Variants in AHI1 observed in about 807,000 individuals in gnomAD.
AHI1 encodes the protein Abelson helper integration site 1.
A neutral mutation model predicts 149.3 loss-of-function variants in AHI1; 123 were observed. That is an observed-to-expected ratio of 0.82 (90% CI 0.71 to 0.96). AHI1 has a LOEUF of 0.96. Ranked by LOEUF, AHI1 falls within the 40% of genes least tolerant of loss-of-function variation. The probability of loss-of-function intolerance (pLI) is 0.00; values close to 1 mark genes in which losing one functional copy is unlikely to be tolerated. For missense variants in AHI1, 1,439 were observed against 1,422.7 expected (o/e 1.01, Z -0.18); for synonymous variants, 475 against 459.8 (o/e 1.03, Z -0.42).
intron 24 of AHI1, among the ~76,000 whole-genome samples, chr6:135,344,153 G>A (rs1790799356): frequency 6.6e-6 from 1 of 151,742 alleles, no homozygotes; most frequent in Admixed American, 6.6e-5. Flanking sequence ...CTAATACAAT[G>A]TAAATGCTAT....
At chr6:135,299,614 T>A (rs1051608298) in intron 27 of AHI1, among the ~76,000 whole-genome samples, 2 of 152,172 alleles carry the variant, frequency 1.3e-5, no homozygotes, top group African/African-American at 4.8e-5. Flanking sequence ...ATGATAAAAA[T>A]TGAGAAATAT....
At chr6:135,381,127 C>A (rs1164994521) in intron 23 of AHI1, among the ~76,000 whole-genome samples, 8 of 151,846 alleles carry the variant, frequency 5.3e-5, no homozygotes, top group African/African-American at 1.7e-4. Context: ...ATCTTCACTT[C>A]AAAATCAGAC....
chr6:135,358,734 G>A (rs1416285759), intron 23 of AHI1, among the ~76,000 whole-genome samples: 1 of 152,118 alleles, frequency 6.6e-6, no homozygotes, highest in African/African-American at 2.4e-5. Context: ...TAACACAGAT[G>A]GCTAATCTTG....
chr6:135,376,881 C>CAAA lies in AHI1; in HGVS notation c.3109+17892_3109+17894dup, dbSNP rs1167083326. On this transcript the variant is annotated intron_variant, in intron 23 of 28. Transcript: ENST00000265602. ...TCGGTGACAGAGCGAGACTCCATCTCAAAAAAAAAAAAAAAAAAAAAAAAA... is the reference window on the plus strand; with the variant it reads ...TCGGTGACAGAGCGAGACTCCATCTCAAAAAAAAAAAAAAAAAAAAAAAAAAAA... Among the ~76,000 whole-genome samples, 28 of 29,442 alleles carry CAAA rather than the reference C, an allele frequency of 9.5e-4. 4 individuals are homozygous for CAAA. Among genetic ancestry groups the CAAA allele is most frequent in the African/African-American group, 3.5e-3 (22 of 6,244 alleles). 19.3% of individuals were successfully genotyped at this position (29,442 alleles called of 152,430 possible).
intron 24 of AHI1, among the ~76,000 whole-genome samples, chr6:135,341,180 T>C (rs1166791393): frequency 1.3e-5 from 2 of 151,848 alleles, no homozygotes; most frequent in Non-Finnish European, 2.9e-5. Context: ...TCAGAATGGA[T>C]AAAATAAATA....
At chr6:135,438,021 G>C (rs1404466314) in intron 15 of AHI1, among the ~76,000 whole-genome samples, 3 of 151,994 alleles carry the variant, frequency 2.0e-5, no homozygotes, top group Non-Finnish European at 4.4e-5. Flanking sequence ...TGCAAATCCA[G>C]CCAATAGTGA....
chr6:135,429,796 A>G, intron 18 of AHI1, 86 bp downstream of exon 18: 1 of 827,654 alleles, frequency 1.2e-6, no homozygotes, highest in Admixed American at 2.6e-5. Flanking sequence ...TGCTTAGTTG[A>G]GAACCACTAC....
At position 135,388,878 on chromosome 6, in the gene AHI1, G is replaced by A. The variant is rs529160261; in HGVS notation, c.3109+5898C>T. Among the ~76,000 whole-genome samples, 295 of 152,094 alleles carry A rather than the reference G, an allele frequency of 1.9e-3. 4 individuals carry two copies. The highest frequency in any genetic ancestry group is 6.7e-3 in the African/African-American group (277 of 41,408). Reference sequence around the variant, plus strand: ...AATACAAAAATTAGCTAGGCATGGTGGCAGGCGCCTGCAATCCCAGCTACT... The same window carrying A: ...AATACAAAAATTAGCTAGGCATGGTAGCAGGCGCCTGCAATCCCAGCTACT... On this transcript the variant is annotated intron_variant, in intron 23 of 28. Coordinates refer to ENST00000265602, the MANE Select transcript of AHI1 (RefSeq NM_001134831.2).
At chr6:135,474,248 G>T (rs1403480647) in intron 5 of AHI1, among the ~76,000 whole-genome samples, 1 of 152,022 alleles carries the variant, frequency 6.6e-6, no homozygotes, top group African/African-American at 2.4e-5. Flanking sequence ...AGATTTTTTT[G>T]GGATATTAAC....
At chr6:135,394,534 G>A in intron 23 of AHI1, 1 of 463,518 alleles carries the variant, frequency 2.2e-6, no homozygotes, top group Non-Finnish European at 3.9e-6. Context: ...CACGTGTTTT[G>A]CTAGTTTTAA....
Position 135,492,239 on chromosome 6 carries a change from T to C in AHI1, c.-2A>G. ...CATAGAAGTCTTACCTGTAGGCATCTCTCAGCTTTATGCAGAGGACTGAGA... is the reference window on the plus strand; with the variant it reads ...CATAGAAGTCTTACCTGTAGGCATCCCTCAGCTTTATGCAGAGGACTGAGA... On this transcript the variant is annotated 5_prime_UTR_variant, in exon 4 of 29. Transcript: ENST00000265602. 6.5e-7 allele frequency: 1 copy of C among 1,537,708 alleles called. No homozygotes were observed. The highest frequency in any genetic ancestry group is 2.5e-5 in the East Asian group (1 of 40,486).
At chr6:135,359,462 T>C (rs1163531426) in intron 23 of AHI1, among the ~76,000 whole-genome samples, 1 of 152,214 alleles carries the variant, frequency 6.6e-6, no homozygotes, top group Non-Finnish European at 1.5e-5. Context: ...AAAGACACTC[T>C]TATTCATAGA....
chr6:135,404,971 T>C lies in AHI1; in HGVS notation c.2968A>G (p.Ile990Val). The change falls in exon 22 of 29, where the codon ATA becomes GTA. Residue 990 changes from isoleucine (I) to valine (V), a missense_variant. By Grantham distance (29) the Ile-to-Val change is conservative (BLOSUM62 3). Transcript: ENST00000265602. The stretch of plus-strand genomic sequence containing the variant: ...CTTACTTTTGCAGCACAGGAACGTA[T>C]CACCTCCTAAAAGAAATACAATAAA... Reference protein sequence around the residue: ...KQRLETVTEVIRSCAAKVNKN... With the variant: ...KQRLETVTEVVRSCAAKVNKN... The C allele has an allele frequency of 6.2e-7, 1 of 1,607,534 alleles. No individual in the cohort carries two copies. Among genetic ancestry groups the C allele is most frequent in the Non-Finnish European group, 8.5e-7 (1 of 1,174,834 alleles).
intron 5 of AHI1, among the ~76,000 whole-genome samples, chr6:135,481,717 TAA>T (rs1733458383): frequency 6.7e-6 from 1 of 150,176 alleles, no homozygotes; most frequent in East Asian, 1.9e-4. Context: ...TTTTTTTTTT[TAA>T]CACTTTTTTA....
At chr6:135,433,972 T>A (rs1785020253) in intron 15 of AHI1, among the ~76,000 whole-genome samples, 1 of 152,066 alleles carries the variant, frequency 6.6e-6, no homozygotes, top group Admixed American at 6.5e-5. Context: ...CCTTAAGGGT[T>A]AACCTCTTAG....
intron 24 of AHI1, among the ~76,000 whole-genome samples, chr6:135,324,292 C>T (rs150077943): frequency 1.1e-4 from 16 of 152,108 alleles, no homozygotes; most frequent in Non-Finnish European, 2.1e-4. Context: ...TGCACTACTA[C>T]ACTTCAGCCT....
chr6:135,374,195 G>A (rs1288288339), intron 23 of AHI1, among the ~76,000 whole-genome samples: 1 of 141,624 alleles, frequency 7.1e-6, no homozygotes, highest in East Asian at 2.1e-4. Context: ...CTTACTGCAA[G>A]CTCCACCTCC....
At chr6:135,310,751 CA>C (rs1378638024) in intron 26 of AHI1, among the ~76,000 whole-genome samples, 2 of 152,092 alleles carry the variant, frequency 1.3e-5, no homozygotes, top group Non-Finnish European at 1.5e-5. Context: ...TCCACATCTT[CA>C]AAAATAATCT....
In AHI1 at chr6:135,427,280, A is replaced by C. The variant is rs1325063607; in HGVS notation, c.2651T>G (p.Leu884Trp). Residue 884 changes from leucine to tryptophan, a missense_variant, in exon 20 of 29, where the codon TTG (leucine) becomes TGG (tryptophan). Coordinates refer to ENST00000265602, the MANE Select transcript of AHI1 (RefSeq NM_001134831.2). Reference sequence around the variant, plus strand: ...GTCTCGAATGGGTGACTTGAATGGCAAGTCAGAATACATGGCTACTTGTTC... The same window carrying C: ...GTCTCGAATGGGTGACTTGAATGGCCAGTCAGAATACATGGCTACTTGTTC... ...TGEQVAMYSDLPFKSPIRDIS... is the reference protein window; with the variant it reads ...TGEQVAMYSDWPFKSPIRDIS... 1 of 1,610,008 alleles carries C rather than the reference A, an allele frequency of 6.2e-7. No homozygotes were observed. The highest frequency in any genetic ancestry group is 2.2e-5 in the East Asian group (1 of 44,692).
Sources: gnomAD v4.1 joint callset for allele counts (sites outside exome capture counted in the v4.1 genomes callset) on GRCh38, gnomAD v4.1.1 for gene constraint, MANE v1.5 for transcripts, NCBI Gene and HGNC (gene_info 2026-07-23, HGNC 2026-07-21) for gene names.